The following P2RY13 variants were observed in gnomAD, a reference collection of about 807,000 sequenced individuals.
The protein encoded by P2RY13 is purinergic receptor P2Y13.
For synonymous variants in P2RY13, 150 were observed against 155.1 expected, an observed-to-expected ratio of 0.97 and a Z score of 0.24; for missense variants, 412 against 418.4, an observed-to-expected ratio of 0.98 and a Z score of 0.13.
chr3:151,328,557 T>G lies in P2RY13; in HGVS notation c.499A>C (p.Ile167Leu). 6.2e-7 allele frequency: 1 copy of G among 1,613,786 alleles called. No individual in the cohort carries two copies. Among genetic ancestry groups the G allele is most frequent in the Non-Finnish European group, 8.5e-7 (1 of 1,179,788 alleles). Residue 167 changes from isoleucine to leucine, a missense_variant, in exon 2 of 2, where the codon ATC becomes CTC. Physicochemically the swap from Ile to Leu is conservative, Grantham distance 5. Coordinates refer to ENST00000325602, the MANE Select transcript of P2RY13 (RefSeq NM_176894.3). ...GAGATGAAGAACAAAAAGAACCAGA[T>G]GAAGATTGAGACCGTTTTTGCAAAA... ...PVFAKTVSIF[I>L]WFFLFFISLP...
chr3:151,328,307 T>C lies in P2RY13; in HGVS notation c.749A>G (p.Asn250Ser). The change falls in exon 2 of 2, where the codon AAC (asparagine) becomes AGC (serine). Residue 250 changes from asparagine (N) to serine (S), a missense_variant. Physicochemically the swap from Asn to Ser is conservative, Grantham distance 46 (BLOSUM62 1). Coordinates refer to ENST00000325602, the MANE Select transcript of P2RY13 (RefSeq NM_176894.3). ...RKSKSKDRKN[N>S]KKLEGKVFVV... Reference sequence around the variant, plus strand: ...AAATACTTTGCCTTCCAGCTTTTTGTTGTTTTTTCTGTCCTTACTTTTGGA... The same window carrying C: ...AAATACTTTGCCTTCCAGCTTTTTGCTGTTTTTTCTGTCCTTACTTTTGGA... 1 of 1,613,968 alleles carries C rather than the reference T, an allele frequency of 6.2e-7. No homozygotes were observed. Among genetic ancestry groups the C allele is most frequent in the Non-Finnish European group, 8.5e-7 (1 of 1,179,932 alleles).
intron 1 of P2RY13, 24 bp downstream of exon 1, chr3:151,329,457 A>T: frequency 6.7e-7 from 1 of 1,489,748 alleles, no homozygotes; most frequent in Non-Finnish European, 9.1e-7. Context: ...AAGCACACTC[A>T]TAATAACAAA....
At position 151,328,556 on chromosome 3, in the gene P2RY13, A is replaced by G. The variant is rs1315275961; in HGVS notation, c.500T>C (p.Ile167Thr). ...PVFAKTVSIF[I>T]WFFLFFISLP... ...GGAGATGAAGAACAAAAAGAACCAG[A>G]TGAAGATTGAGACCGTTTTTGCAAA... is the stretch of plus-strand genomic sequence containing the variant. The change falls in exon 2 of 2, where the codon ATC becomes ACC. Residue 167 changes from isoleucine (I) to threonine (T), a missense_variant. Transcript: ENST00000325602. The G allele has an allele frequency of 1.2e-6, 2 of 1,613,816 alleles. No homozygotes were observed. The highest frequency in any genetic ancestry group is 1.3e-5 in the African/African-American group (1 of 75,032).
At position 151,328,504 on chromosome 3, in the gene P2RY13, C is replaced by A; in HGVS notation, c.552G>T (p.Lys184Asn). 1 of 1,613,956 alleles carries A rather than the reference C, an allele frequency of 6.2e-7. No homozygotes were observed. The highest frequency in any genetic ancestry group is 8.5e-7 in the Non-Finnish European group (1 of 1,179,966). The change falls in exon 2 of 2, where the codon AAG (lysine) becomes AAT (asparagine). Residue 184 changes from lysine to asparagine, a missense_variant. Coordinates refer to ENST00000325602, the MANE Select transcript of P2RY13 (RefSeq NM_176894.3). Reference protein sequence around the residue: ...ISLPNTILSNKEATPSSVKKC... With the variant: ...ISLPNTILSNNEATPSSVKKC... ...TTTTCACAGACGATGGTGTTGCTTC[C>A]TTGTTGCTCAAGATCGTATTTGGCA...
At position 151,328,492 on chromosome 3, in the gene P2RY13, T is replaced by C. The variant is rs202237945; in HGVS notation, c.564A>G (p.Pro188=). 7.1e-5 allele frequency: 115 copies of C among 1,614,034 alleles called. 1 individual carries two copies. The East Asian group carries it at 2.5e-3, about 35-fold the overall frequency. ...AGGAAGCACACTTTTTCACAGACGA[T>C]GGTGTTGCTTCCTTGTTGCTCAAGA... The part of the protein sequence containing the change: ...NTILSNKEAT[P]SSVKKCASLK... Residue 188 remains proline, a synonymous_variant, in exon 2 of 2, where the codon CCA becomes CCG. Transcript: ENST00000325602.
rs561152749 is a variant in P2RY13, at chr3:151,326,852, C to T, written c.*1139G>A. The T allele has an allele frequency of 4.6e-5, 7 of 152,150 alleles. No individual in the cohort carries two copies. In the East Asian group the frequency reaches 1.4e-3, roughly 29 times the overall value. 9.4% of individuals were successfully genotyped at this position (152,150 alleles called of 1,614,324 possible). On this transcript the variant is annotated 3_prime_UTR_variant, in exon 2 of 2. Transcript: ENST00000325602. ...GACTCTTATCCATCATTTCAGAAAGCCACATTTTACTTTTTTGAATCACAG... is the reference window on the plus strand; with the variant it reads ...GACTCTTATCCATCATTTCAGAAAGTCACATTTTACTTTTTTGAATCACAG...
intron 1 of P2RY13, 24 bp downstream of exon 1, chr3:151,329,457 A>G (rs1238889433): frequency 6.7e-7 from 1 of 1,489,748 alleles, no homozygotes; most frequent in South Asian, 1.2e-5. Context: ...AAGCACACTC[A>G]TAATAACAAA....
rs761725143 is a variant in P2RY13 at position 151,328,207 on chromosome 3, G to A, written c.849C>T (p.Thr283=). The A allele has an allele frequency of 9.9e-6, 16 of 1,612,604 alleles. No homozygotes were observed. The East Asian group carries it at 3.3e-4, about 34-fold the overall frequency. ...GCAGTCTACAGTCAGTCTTATTGTT[G>A]GTTTGACTGTGAGTATATGGAACTC... ...FARVPYTHSQ[T]NNKTDCRLQN... Residue 283 remains threonine (T), a synonymous_variant, in exon 2 of 2, where the codon ACC becomes ACT. Transcript: ENST00000325602.
In P2RY13 at chr3:151,328,783, T is replaced by C; in HGVS notation, c.273A>G (p.Ile91Met). 6.2e-7 allele frequency: 1 copy of C among 1,613,932 alleles called. No homozygotes were observed. Among genetic ancestry groups the C allele is most frequent in the South Asian group, 1.1e-5 (1 of 91,060 alleles). ...TTTTGAAAGGAAGCATGAGTGTCAT[T>C]ATCAAGTCGGCCACCAAAGTGTTTT... Reference protein sequence around the residue: ...YLKNTLVADLIMTLMLPFKIL... With the variant: ...YLKNTLVADLMMTLMLPFKIL... Residue 91 changes from isoleucine (I) to methionine (M), a missense_variant, in exon 2 of 2, where the codon ATA (isoleucine) becomes ATG (methionine). By Grantham distance (10) the Ile-to-Met change is conservative. Transcript: ENST00000325602.
rs375255769 is a variant in P2RY13, at chr3:151,327,948, G to T, written c.*43C>A. 1.6e-4 allele frequency: 210 copies of T among 1,327,198 alleles called. 4 individuals are homozygous for T. In the South Asian group the frequency reaches 2.1e-3, roughly 14 times the overall value. 82.2% of individuals were successfully genotyped at this position (1,327,198 alleles called of 1,614,324 possible). On this transcript the variant is annotated 3_prime_UTR_variant, in exon 2 of 2. Coordinates refer to ENST00000325602, the MANE Select transcript of P2RY13 (RefSeq NM_176894.3). ...TAAATTTGATTTCCACATTATCTAC[G>T]GAAGTCTCATCAATAAATAGAAGTT...
chr3:151,328,888 C>T lies in P2RY13; in HGVS notation c.168G>A (p.Leu56=). ...CCAAAGTATTCAGCAGGATGCCGGTCAAGAAAACCACTGTGTAGAGGGCTG... is the reference window on the plus strand; with the variant it reads ...CCAAAGTATTCAGCAGGATGCCGGTTAAGAAAACCACTGTGTAGAGGGCTG... The part of the protein sequence containing the change: ...VFPALYTVVF[L]TGILLNTLAL... The change falls in exon 2 of 2, where the codon TTG becomes TTA. Residue 56 remains leucine (L), a synonymous_variant. Transcript: ENST00000325602. 1 of 1,613,994 alleles carries T rather than the reference C, an allele frequency of 6.2e-7. No homozygotes were observed. Among genetic ancestry groups the T allele is most frequent in the Non-Finnish European group, 8.5e-7 (1 of 1,179,938 alleles).
Position 151,328,562 on chromosome 3 carries a change from A to G in P2RY13, c.494T>C (p.Ile165Thr). ...GAAGAACAAAAAGAACCAGATGAAG[A>G]TTGAGACCGTTTTTGCAAAAACAGG... The part of the protein sequence containing the change: ...KKPVFAKTVS[I>T]FIWFFLFFIS... The change falls in exon 2 of 2, where the codon ATC becomes ACC. Residue 165 changes from isoleucine (I) to threonine (T), a missense_variant. Physicochemically the swap from Ile to Thr is moderately conservative, Grantham distance 89 (BLOSUM62 -1). Transcript: ENST00000325602. 6.2e-7 allele frequency: 1 copy of G among 1,613,854 alleles called. No individual in the cohort carries two copies. Among genetic ancestry groups the G allele is most frequent in the Non-Finnish European group, 8.5e-7 (1 of 1,179,844 alleles).
rs940470516 is a variant in P2RY13 at position 151,329,102 on chromosome 3, G to A, written c.49-95C>T. The A allele has an allele frequency of 1.0e-4, 84 of 837,264 alleles. 1 individual carries two copies. The highest frequency in any genetic ancestry group is 1.5e-4 in the Non-Finnish European group (80 of 536,434). The allele number at this position is 837,264 out of a possible 1,614,324, so 51.9% of individuals were successfully genotyped here. Reference sequence around the variant, plus strand: ...TTTAAAAACAGACTTTATGTTTATAGCATATTAACATCCTGCATTTATCCA... The same window carrying A: ...TTTAAAAACAGACTTTATGTTTATAACATATTAACATCCTGCATTTATCCA... On this transcript the variant is annotated intron_variant, in intron 1 of 1. Coordinates refer to ENST00000325602, the MANE Select transcript of P2RY13 (RefSeq NM_176894.3).
chr3:151,328,932 T>A lies in P2RY13; in HGVS notation c.124A>T (p.Ile42Leu). The A allele has an allele frequency of 6.2e-7, 1 of 1,613,802 alleles. No individual in the cohort carries two copies. The highest frequency in any genetic ancestry group is 8.5e-7 in the Non-Finnish European group (1 of 1,179,748). ...AGGGCTGGGAATACCAGCTGTACTA[T>A]CCGAGTGTCTCTGGGGCACCGCTCA... ...RSERCPRDTR[I>L]VQLVFPALYT... The change falls in exon 2 of 2, where the codon ATA becomes TTA. Residue 42 changes from isoleucine (I) to leucine (L), a missense_variant. Ile to Leu is a conservative substitution (Grantham distance 5). Coordinates refer to ENST00000325602, the MANE Select transcript of P2RY13 (RefSeq NM_176894.3).
rs1449772175 is a variant in P2RY13, at chr3:151,328,567, G to A, written c.489C>T (p.Val163=). Residue 163 remains valine, a synonymous_variant, in exon 2 of 2, where the codon GTC becomes GTT. Transcript: ENST00000325602. ...FLKKPVFAKT[V]SIFIWFFLFF... is the part of the protein sequence containing the mutation. ...ACAAAAAGAACCAGATGAAGATTGA[G>A]ACCGTTTTTGCAAAAACAGGTTTTT... is the stretch of plus-strand genomic sequence containing the variant. 2.5e-6 allele frequency: 4 copies of A among 1,613,626 alleles called. No individual in the cohort carries two copies. The highest frequency in any genetic ancestry group is 3.4e-6 in the Non-Finnish European group (4 of 1,179,812).
chr3:151,329,054 T>G lies in P2RY13; in HGVS notation c.49-47A>C, dbSNP rs577175996. ...ACAAACAAAAGAAAACAAAAAGCCC[T>G]TCATGATTTTCAAATGCTATTTTTT... On this transcript the variant is annotated intron_variant, in intron 1 of 1. Transcript: ENST00000325602. The G allele has an allele frequency of 2.9e-6, 4 of 1,363,754 alleles. No homozygotes were observed. The African/African-American group carries it at 5.8e-5, about 20-fold the overall frequency. The allele number at this position is 1,363,754 out of a possible 1,614,324, so 84.5% of individuals were successfully genotyped here.
At position 151,328,273 on chromosome 3, in the gene P2RY13, C is replaced by A; in HGVS notation, c.783G>T (p.Val261=). ...KKLEGKVFVV[V]AVFFVCFAPF... Reference sequence around the variant, plus strand: ...GAGCAAAACACACAAAGAAGACAGCCACGACAACAAATACTTTGCCTTCCA... The same window carrying A: ...GAGCAAAACACACAAAGAAGACAGCAACGACAACAAATACTTTGCCTTCCA... The change falls in exon 2 of 2, where the codon GTG becomes GTT. Residue 261 remains valine (V), a synonymous_variant. Transcript: ENST00000325602. 1 of 1,613,960 alleles carries A rather than the reference C, an allele frequency of 6.2e-7. No homozygotes were observed.
intron 1 of P2RY13, among the ~76,000 whole-genome samples, 179 bp downstream of exon 1, chr3:151,329,302 C>T (rs1450298960): frequency 2.0e-5 from 3 of 152,174 alleles, no homozygotes; most frequent in Non-Finnish European, 4.4e-5. Context: ...AAACAAAACA[C>T]TGTTTAAGAG....
In P2RY13 at chr3:151,327,075, A is replaced by T. The variant is rs1432458836; in HGVS notation, c.*916T>A. 1 of 152,238 alleles carries T rather than the reference A, an allele frequency of 6.6e-6. No homozygotes were observed. Among genetic ancestry groups the T allele is most frequent in the African/African-American group, 2.4e-5 (1 of 41,458 alleles). The allele number at this position is 152,238 out of a possible 1,614,324, so 9.4% of individuals were successfully genotyped here. A position where few individuals can be genotyped will look rare whatever the true frequency, so the allele number is the denominator to read the frequency against. ...ATGGGAGATACCAAGAAAATCTGGC[A>T]TGTCTGTCTCTCAAGAAGCTTTAAC... On this transcript the variant is annotated 3_prime_UTR_variant, in exon 2 of 2. Coordinates refer to ENST00000325602, the MANE Select transcript of P2RY13 (RefSeq NM_176894.3).
Sources: gnomAD v4.1 joint callset for allele counts (sites outside exome capture counted in the v4.1 genomes callset) on GRCh38, gnomAD v4.1.1 for gene constraint, MANE v1.5 for transcripts, NCBI Gene and HGNC (gene_info 2026-07-23, HGNC 2026-07-21) for gene names.